KCNT1: variants seen among roughly 807,000 people sequenced by gnomAD.
The protein encoded by KCNT1 is potassium sodium-activated channel subfamily T member 1, also known as potassium channel subfamily T member 1.
KCNT1 carries 78 observed loss-of-function variants against 147.8 expected under a neutral mutation model. That is an observed-to-expected ratio of 0.53 (90% CI 0.44 to 0.64). The LOEUF is 0.64. Among genes scored for constraint, KCNT1 ranks in the 30% least tolerant of loss-of-function variants. The pLI, the probability that KCNT1 is intolerant of heterozygous loss-of-function variation, is 0.00. For missense variants in KCNT1, 1,419 were observed against 1,750.3 expected (o/e 0.81, Z 3.38); for synonymous variants, 867 against 748.8 (o/e 1.16, Z -2.58).
rs1831399438 is a variant in KCNT1, at chr9:135,755,136, G to A, written c.507G>A (p.Trp169Ter). Residue 169 changes from tryptophan to a stop codon, truncating the protein, a stop_gained, in exon 6 of 31, where the codon TGG (tryptophan) becomes TGA (stop). Transcript: ENST00000371757. LOFTEE classifies it high-confidence loss of function. The stretch of plus-strand genomic sequence containing the variant: ...CTCTTCCCAGGGCTCCTATTCTGTG[G>A]GTGGAGAGAAAGATGACACTGTGGG... The part of the protein sequence containing the change: ...SSEINWAPIL[W>*]VERKMTLWAI... 1 of 1,612,148 alleles carries A rather than the reference G, an allele frequency of 6.2e-7. No homozygotes were observed. Among genetic ancestry groups the A allele is most frequent in the African/African-American group, 1.3e-5 (1 of 74,856 alleles).
chr9:135,786,322 G>T lies in KCNT1; in HGVS notation c.3303G>T (p.Glu1101Asp), dbSNP rs1303537620. The change falls in exon 29 of 31, where the codon GAG becomes GAT. Residue 1101 changes from glutamate (E) to aspartate (D), a missense_variant. This residue lies in a region of KCNT1 where 306 missense variants were observed against 294.2 expected (regional missense o/e 1.04). Coordinates refer to ENST00000371757, the MANE Select transcript of KCNT1 (RefSeq NM_020822.3). ...GRHTGGGDPA[E>D]HPLLRRKSLQ... is the part of the protein sequence containing the mutation. ...ACACGGGCGGCGGTGACCCCGCAGA[G>T]CACCCACTGCTACGGCGCAAGAGCC... is the stretch of plus-strand genomic sequence containing the variant. The T allele has an allele frequency of 1.3e-6, 2 of 1,599,074 alleles. No individual in the cohort carries two copies. Among genetic ancestry groups the T allele is most frequent in the Non-Finnish European group, 1.7e-6 (2 of 1,174,338 alleles).
At chr9:135,710,834 CGT>C (rs1329176101) in intron 1 of KCNT1, among the ~76,000 whole-genome samples, 4 of 152,154 alleles carry the variant, frequency 2.6e-5, no homozygotes, top group African/African-American at 2.4e-5. Context: ...TCCCTTTACC[CGT>C]GTGTTTGGAG....
At chr9:135,751,650 G>T (rs1265118395) in intron 4 of KCNT1, among the ~76,000 whole-genome samples, 1 of 152,202 alleles carries the variant, frequency 6.6e-6, no homozygotes, top group Non-Finnish European at 1.5e-5. Flanking sequence ...GCTTCGAGAA[G>T]TGGCGGCTGC....
At chr9:135,733,584 A>G in intron 2 of KCNT1, among the ~76,000 whole-genome samples, 1 of 56,134 alleles carries the variant, frequency 1.8e-5, no homozygotes, top group Non-Finnish European at 3.4e-5. Context: ...ACCTGCCCCC[A>G]CACCTGCCTT....
At chr9:135,791,923 A>T (rs1348935988) in intron 30 of KCNT1, 42 bp downstream of exon 30, 24 of 1,606,866 alleles carry the variant, frequency 1.5e-5, no homozygotes, top group Non-Finnish European at 2.0e-5. Context: ...CCCCCTGAGC[A>T]CCAGGTGGGC....
At position 135,759,672 on chromosome 9, in the gene KCNT1, G is replaced by A. The variant is rs768046676; in HGVS notation, c.855-7G>A. ...CCCAGGCCGCCCCTCACTGCCAGGGGTTGCAGGACCTGCGGCATCCAGCAC... is the reference window on the plus strand; with the variant it reads ...CCCAGGCCGCCCCTCACTGCCAGGGATTGCAGGACCTGCGGCATCCAGCAC... On this transcript the variant is annotated splice_polypyrimidine_tract_variant and splice_region_variant and intron_variant, in intron 10 of 30. Coordinates refer to ENST00000371757, the MANE Select transcript of KCNT1 (RefSeq NM_020822.3). The A allele has an allele frequency of 4.4e-6, 7 of 1,596,126 alleles. No individual in the cohort carries two copies. In the Admixed American group the frequency reaches 5.1e-5, roughly 12 times the overall value.
chr9:135,721,496 C>A (rs1044833606), intron 2 of KCNT1, among the ~76,000 whole-genome samples: 2 of 152,228 alleles, frequency 1.3e-5, no homozygotes, highest in Non-Finnish European at 2.9e-5. Context: ...TTGGCCAGGC[C>A]GGTGGGGCCC....
intron 12 of KCNT1, 36 bp downstream of exon 12, chr9:135,765,231 C>T (rs755695203): frequency 8.8e-6 from 14 of 1,587,638 alleles, no homozygotes; most frequent in Non-Finnish European, 1.2e-5. Flanking sequence ...AGACGACTCC[C>T]TCCCGGCCCC....
chr9:135,759,607 G>C, intron 10 of KCNT1, 72 bp from the exon 11 acceptor site: 1 of 1,491,458 alleles, frequency 6.7e-7, no homozygotes, highest in Non-Finnish European at 9.0e-7. Context: ...CCGTGGGCAG[G>C]CAGGATCTCT....
At chr9:135,780,427 G>C (rs145262070) in intron 24 of KCNT1, among the ~76,000 whole-genome samples, 3 of 152,230 alleles carry the variant, frequency 2.0e-5, no homozygotes. Context: ...CACTCCCTGC[G>C]ACACGGACAT....
At chr9:135,761,938 C>A (rs910832115) in intron 11 of KCNT1, among the ~76,000 whole-genome samples, 1 of 152,246 alleles carries the variant, frequency 6.6e-6, no homozygotes, top group Admixed American at 6.5e-5. Context: ...GCCCCAGCCA[C>A]CCCCAGGGTC....
At position 135,714,176 on chromosome 9, in the gene KCNT1, A is replaced by T. The variant is rs568393948; in HGVS notation, c.111-401A>T. ...CTGGGGACGGGGAGGGGAGCTGGGG[A>T]GTTGGGAGGGGTTGCAGGGGTGTGG... On this transcript the variant is annotated intron_variant, in intron 1 of 30. Coordinates refer to ENST00000371757, the MANE Select transcript of KCNT1 (RefSeq NM_020822.3). The surrounding 1 kb of genome is among the most constrained non-coding windows in gnomAD (Gnocchi z 6.2). 2.4e-3 allele frequency among the ~76,000 whole-genome samples: 298 copies of T among 122,764 alleles called. 1 individual carries two copies. The highest frequency in any genetic ancestry group is 4.8e-3 in the Admixed American group (60 of 12,398). The allele number at this position is 122,764 out of a possible 152,430, so 80.5% of individuals were successfully genotyped here.
intron 2 of KCNT1, among the ~76,000 whole-genome samples, chr9:135,748,923 A>C (rs1474785158): frequency 1.3e-5 from 2 of 150,006 alleles, no homozygotes; most frequent in Non-Finnish European, 3.0e-5. Context: ...TGATAGGAGC[A>C]GACGTCATGG....
intron 2 of KCNT1, among the ~76,000 whole-genome samples, chr9:135,721,388 G>T (rs1835919106): frequency 6.6e-6 from 1 of 152,196 alleles, no homozygotes; most frequent in Non-Finnish European, 1.5e-5. Context: ...GGGGCCAGGT[G>T]GGATCCCAGT....
rs1329841229 is a variant in KCNT1, at chr9:135,786,124, C to A, written c.3178-73C>A. On this transcript the variant is annotated intron_variant, in intron 28 of 30. Transcript: ENST00000371757. Reference sequence around the variant, plus strand: ...TGCAGAGCCCACACCTCTTCCTAAGCCCCTGCCCCAAAGCCCGCGACCCTC... The same window carrying A: ...TGCAGAGCCCACACCTCTTCCTAAGACCCTGCCCCAAAGCCCGCGACCCTC... 2.4e-5 allele frequency: 33 copies of A among 1,383,886 alleles called. No homozygotes were observed. The Admixed American group carries it at 2.8e-4, about 12-fold the overall frequency. 85.7% of individuals were successfully genotyped at this position (1,383,886 alleles called of 1,614,324 possible). A position where few individuals can be genotyped will look rare whatever the true frequency, so the allele number is the denominator to read the frequency against.
intron 24 of KCNT1, among the ~76,000 whole-genome samples, chr9:135,781,082 G>A (rs945539966): frequency 1.1e-4 from 16 of 152,344 alleles, no homozygotes; most frequent in Admixed American, 5.9e-4. Flanking sequence ...CTCTTTCCCC[G>A]GCTTCACCTC....
intron 24 of KCNT1, among the ~76,000 whole-genome samples, 185 bp downstream of exon 24, chr9:135,779,655 A>G (rs556859626): frequency 5.6e-4 from 86 of 152,266 alleles, no homozygotes; most frequent in Middle Eastern, 6.8e-3. Flanking sequence ...TGGAACCAGG[A>G]GATGGAGGCA....
intron 1 of KCNT1, among the ~76,000 whole-genome samples, chr9:135,710,538 C>T (rs750052329): frequency 1.8e-4 from 27 of 152,272 alleles, no homozygotes; most frequent in Non-Finnish European, 3.2e-4. Context: ...TACCATAGGA[C>T]GAGGAGTGCC....
In KCNT1 at chr9:135,778,440, C is replaced by T; in HGVS notation, c.2539C>T (p.Leu847=). 6.4e-7 allele frequency: 1 copy of T among 1,551,742 alleles called. No homozygotes were observed. The change falls in exon 22 of 31, where the codon CTG becomes TTG. Residue 847 remains leucine (L), a synonymous_variant. Coordinates refer to ENST00000371757, the MANE Select transcript of KCNT1 (RefSeq NM_020822.3). ...TCCCCACAGGCCCGACCACCACTTCCTGGAAGCCATCTGCTGCTTCCCCAT... is the reference window on the plus strand; with the variant it reads ...TCCCCACAGGCCCGACCACCACTTCTTGGAAGCCATCTGCTGCTTCCCCAT... ...LLDNKPDHHF[L]EAICCFPMVY...
Sources: gnomAD v4.1 joint callset for allele counts (sites outside exome capture counted in the v4.1 genomes callset) on GRCh38, gnomAD v4.1.1 for gene constraint, gnomAD v4.1.1 regional missense constraint, Gnocchi (gnomAD v3.1) non-coding constraint, MANE v1.5 for transcripts, NCBI Gene and HGNC (gene_info 2026-07-23, HGNC 2026-07-21) for gene names.